The following DCC variants were observed in gnomAD, a reference collection of about 807,000 sequenced individuals.
DCC encodes netrin receptor DCC.
A neutral mutation model predicts 172.5 loss-of-function variants in DCC; 58 were observed. The ratio of observed to expected loss-of-function variants is 0.34; its 90% CI spans 0.27 to 0.42. The LOEUF (loss-of-function observed/expected upper bound fraction) is 0.42. DCC is among the 10% of genes least tolerant of loss of function. The pLI, the probability that DCC is intolerant of heterozygous loss-of-function variation, is 1.00. For missense variants in DCC, 1,740 were observed against 1,791.0 expected (o/e 0.97, Z 0.51); for synonymous variants, 709 against 644.5 (o/e 1.10, Z -1.52).
chr18:53,100,227 G>T (rs181703476), intron 7 of DCC, among the ~76,000 whole-genome samples: 118 of 152,022 alleles, frequency 7.8e-4, no homozygotes, highest in African/African-American at 2.8e-3. Flanking sequence ...GGATTACAGT[G>T]TGAGCCACTG....
intron 2 of DCC, among the ~76,000 whole-genome samples, chr18:52,788,316 G>T (rs1043148051): frequency 6.6e-6 from 1 of 152,074 alleles, no homozygotes; most frequent in African/African-American, 2.4e-5. Flanking sequence ...AACTTTTAAT[G>T]AAAAACCTGG....
chr18:53,477,396 G>A (rs1003869029), intron 25 of DCC, among the ~76,000 whole-genome samples: 1 of 152,126 alleles, frequency 6.6e-6, no homozygotes, highest in Non-Finnish European at 1.5e-5. Context: ...TAAAAATTTT[G>A]TATCTGTATC....
At chr18:53,259,344 G>A (rs148001025) in intron 12 of DCC, among the ~76,000 whole-genome samples, 7,995 of 152,192 alleles carry the variant, frequency 0.053, 741 homozygotes, top group African/African-American at 0.18. Context: ...TGCAGTGTCT[G>A]GTACCAGTTG....
chr18:52,824,163 G>A (rs1036418181), intron 2 of DCC, among the ~76,000 whole-genome samples: 9 of 152,194 alleles, frequency 5.9e-5, no homozygotes, highest in Admixed American at 2.0e-4. Context: ...TGGGTCACTT[G>A]ATGAGAAATA....
intron 6 of DCC, among the ~76,000 whole-genome samples, chr18:53,064,281 C>T (rs2042537324): frequency 6.6e-6 from 1 of 152,080 alleles, no homozygotes; most frequent in Non-Finnish European, 1.5e-5. Context: ...TATGAAATCT[C>T]ACTTATAGGT....
At chr18:52,729,742 C>A (rs1455116522) in intron 1 of DCC, among the ~76,000 whole-genome samples, 7 of 152,168 alleles carry the variant, frequency 4.6e-5, no homozygotes, top group Non-Finnish European at 8.8e-5. Context: ...CTGTGGCCCA[C>A]AGTAGAATGG....
chr18:53,484,400 G>A (rs1444040532), intron 25 of DCC, among the ~76,000 whole-genome samples: 1 of 151,158 alleles, frequency 6.6e-6, no homozygotes, highest in Non-Finnish European at 1.5e-5. Context: ...TTCTTTTGGT[G>A]ATTATTTCCT....
chr18:52,674,282 T>G (rs1355716343), intron 1 of DCC, among the ~76,000 whole-genome samples: 1 of 152,098 alleles, frequency 6.6e-6, no homozygotes, highest in Non-Finnish European at 1.5e-5. Context: ...ATGGTATAGA[T>G]TGCAGTCCAG....
At chr18:53,200,149 C>G (rs1215737934) in intron 9 of DCC, among the ~76,000 whole-genome samples, 2 of 152,074 alleles carry the variant, frequency 1.3e-5, no homozygotes, top group African/African-American at 4.8e-5. Context: ...AAACTGAGTG[C>G]AAATTATGGT....
chr18:53,035,543 A>G (rs1037567962), intron 5 of DCC, among the ~76,000 whole-genome samples: 3 of 152,138 alleles, frequency 2.0e-5, no homozygotes, highest in Non-Finnish European at 4.4e-5. Context: ...TTATTTGAGA[A>G]GAATATAAAG....
intron 7 of DCC, among the ~76,000 whole-genome samples, chr18:53,117,667 A>G (rs2043426800): frequency 6.9e-6 from 1 of 145,622 alleles, no homozygotes; most frequent in African/African-American, 2.5e-5. Context: ...ATTCCTCTAC[A>G]GCAGAGGTCA....
At chr18:52,825,177 C>T (rs2038488123) in intron 2 of DCC, among the ~76,000 whole-genome samples, 1 of 152,108 alleles carries the variant, frequency 6.6e-6, no homozygotes, top group Admixed American at 6.6e-5. Context: ...AATGATATGA[C>T]AAAGAGAATG....
At chr18:53,436,009 A>G (rs1911917268) in intron 22 of DCC, among the ~76,000 whole-genome samples, 1 of 152,216 alleles carries the variant, frequency 6.6e-6, no homozygotes, top group South Asian at 2.1e-4. Flanking sequence ...AAATGTGAAG[A>G]TGAACACTTG....
intron 1 of DCC, among the ~76,000 whole-genome samples, chr18:52,367,023 G>A (rs918626453): frequency 6.6e-6 from 1 of 152,212 alleles, no homozygotes; most frequent in Non-Finnish European, 1.5e-5. Flanking sequence ...CAGGCATGGC[G>A]GGCTACAGGT....
intron 12 of DCC, among the ~76,000 whole-genome samples, chr18:53,252,337 G>A (rs999899104): frequency 3.3e-5 from 5 of 151,878 alleles, no homozygotes; most frequent in Non-Finnish European, 7.4e-5. Context: ...TAAAAATAGA[G>A]TTAAGAAAAA....
At chr18:53,348,661 G>A (rs143532531) in intron 15 of DCC, among the ~76,000 whole-genome samples, 1 of 152,108 alleles carries the variant, frequency 6.6e-6, no homozygotes, top group Non-Finnish European at 1.5e-5. Context: ...GGACATCCAG[G>A]TTCCCAAACC....
intron 27 of DCC, among the ~76,000 whole-genome samples, chr18:53,501,938 C>T (rs1470756190): frequency 1.3e-5 from 2 of 152,132 alleles, no homozygotes; most frequent in African/African-American, 2.4e-5. Flanking sequence ...AAATCTGATA[C>T]AATGCAGTAT....
At chr18:53,136,189 G>A (rs1253402769) in intron 7 of DCC, among the ~76,000 whole-genome samples, 1 of 93,076 alleles carries the variant, frequency 1.1e-5, no homozygotes, top group Non-Finnish European at 2.4e-5. Flanking sequence ...ATGGGCATGT[G>A]ATTTTATCTA....
chr18:52,384,714 A>G (rs1300271447), intron 1 of DCC, among the ~76,000 whole-genome samples: 1 of 152,134 alleles, frequency 6.6e-6, no homozygotes, highest in Non-Finnish European at 1.5e-5. Context: ...TCAGAAATGG[A>G]CTTTGTTTCA....
Sources: gnomAD v4.1 joint callset for allele counts (sites outside exome capture counted in the v4.1 genomes callset) on GRCh38, gnomAD v4.1.1 for gene constraint, MANE v1.5 for transcripts, NCBI Gene and HGNC (gene_info 2026-07-23, HGNC 2026-07-21) for gene names.